The following CDKAL1 variants were observed in gnomAD, a reference collection of about 807,000 sequenced individuals.
The protein encoded by CDKAL1 is CDKAL1 threonylcarbamoyladenosine tRNA methylthiotransferase.
A neutral mutation model predicts 68.2 loss-of-function variants in CDKAL1; 32 were observed. That is an observed-to-expected ratio of 0.47 (90% CI 0.35 to 0.63). CDKAL1 has a LOEUF of 0.63. Ranked by LOEUF, CDKAL1 falls within the 30% of genes least tolerant of loss-of-function variation. The pLI is 0.00. For missense variants in CDKAL1, 606 were observed against 696.7 expected, an observed-to-expected ratio of 0.87 and a Z score of 1.47; for synonymous variants, 234 against 244.3, an observed-to-expected ratio of 0.96 and a Z score of 0.39.
intron 9 of CDKAL1, among the ~76,000 whole-genome samples, chr6:20,900,992 A>G (rs1179454909): frequency 6.6e-6 from 1 of 152,180 alleles, no homozygotes; most frequent in Admixed American, 6.5e-5. Flanking sequence ...GTCGTCTTTC[A>G]TATTCATGAC....
chr6:20,640,393 G>A (rs985941049), intron 4 of CDKAL1, among the ~76,000 whole-genome samples: 2 of 152,204 alleles, frequency 1.3e-5, no homozygotes, highest in Admixed American at 6.5e-5. Flanking sequence ...GATGTGAACC[G>A]TGCTGTCTCT....
intron 12 of CDKAL1, among the ~76,000 whole-genome samples, chr6:21,065,595 T>C (rs4712580): frequency 0.84 from 127,518 of 150,980 alleles, 54,317 homozygotes; most frequent in African/African-American, 0.95. Flanking sequence ...TTTAAGAGAC[T>C]CTTTTCATAG....
At chr6:20,659,656 C>G (rs1200164207) in intron 5 of CDKAL1, among the ~76,000 whole-genome samples, 1 of 152,166 alleles carries the variant, frequency 6.6e-6, no homozygotes, top group Non-Finnish European at 1.5e-5. Context: ...CTGTATATCT[C>G]CTTACAGGCT....
chr6:20,569,651 T>G (rs1459895904), intron 4 of CDKAL1, among the ~76,000 whole-genome samples: 1 of 152,182 alleles, frequency 6.6e-6, no homozygotes, highest in East Asian at 1.9e-4. Flanking sequence ...GAAAAATCCT[T>G]TACCTGAATA....
At chr6:21,056,884 G>T (rs1770865920) in intron 11 of CDKAL1, among the ~76,000 whole-genome samples, 1 of 152,184 alleles carries the variant, frequency 6.6e-6, no homozygotes, top group South Asian at 2.1e-4. Flanking sequence ...ACTTGATCAT[G>T]GTGGGTAAGT....
At chr6:21,093,526 T>C (rs1030396008) in intron 12 of CDKAL1, among the ~76,000 whole-genome samples, 1 of 151,942 alleles carries the variant, frequency 6.6e-6, no homozygotes, top group African/African-American at 2.4e-5. Flanking sequence ...AATAGACAGA[T>C]TGAACCAGAA....
At chr6:20,982,445 T>C (rs1040887647) in intron 10 of CDKAL1, among the ~76,000 whole-genome samples, 9 of 152,162 alleles carry the variant, frequency 5.9e-5, no homozygotes, top group African/African-American at 9.6e-5. Flanking sequence ...CCTAGTTCTT[T>C]AGCCAGGTTA....
At chr6:20,711,559 A>C (rs1280805919) in intron 5 of CDKAL1, among the ~76,000 whole-genome samples, 1 of 152,218 alleles carries the variant, frequency 6.6e-6, no homozygotes, top group Non-Finnish European at 1.5e-5. Context: ...TTACATTAAT[A>C]CATTTTGATG....
intron 14 of CDKAL1, 70 bp downstream of exon 14, chr6:21,198,174 G>A (rs1416265291): frequency 3.0e-6 from 3 of 996,128 alleles, no homozygotes; most frequent in Non-Finnish European, 4.6e-6. Flanking sequence ...TAAGCAAAGG[G>A]CATTTAAAGG....
intron 4 of CDKAL1, among the ~76,000 whole-genome samples, chr6:20,613,765 C>A (rs574307239): frequency 6.6e-5 from 10 of 151,250 alleles, no homozygotes; most frequent in African/African-American, 2.4e-4. Context: ...ACAGTGATAC[C>A]CATGTCTTTG....
chr6:20,948,121 A>G lies in CDKAL1; in HGVS notation c.743-7298A>G, dbSNP rs888147174. 5.4e-5 allele frequency among the ~76,000 whole-genome samples: 8 copies of G among 148,876 alleles called. No individual in the cohort carries two copies. In the East Asian group the frequency reaches 8.0e-4, roughly 15 times the overall value. ...TAACCTCAACTCCTGGGGTCTAGTG[A>G]TCCTCCTGCCTGAGCCTCCCAAATA... On this transcript the variant is annotated intron_variant, in intron 9 of 15. Transcript: ENST00000274695.
chr6:20,609,276 C>CCTCCTTCTCCTCCTT (rs1766484159), intron 4 of CDKAL1, among the ~76,000 whole-genome samples: 2 of 131,664 alleles, frequency 1.5e-5, no homozygotes, highest in African/African-American at 3.1e-5. Flanking sequence ...TCCTCCTTCT[C>CCTCCTTCTCCTCCTT]CTCCTTCTCC....
intron 5 of CDKAL1, among the ~76,000 whole-genome samples, chr6:20,651,067 G>GT (rs1005950883): frequency 2.0e-5 from 3 of 151,392 alleles, no homozygotes; most frequent in African/African-American, 4.8e-5. Flanking sequence ...GAATTTTAAA[G>GT]TTTTTTTTTC....
intron 5 of CDKAL1, among the ~76,000 whole-genome samples, chr6:20,729,318 T>C (rs958760867): frequency 6.6e-6 from 1 of 152,200 alleles, no homozygotes; most frequent in African/African-American, 2.4e-5. Context: ...GGGAACTCTT[T>C]CCTCTTGCTC....
intron 6 of CDKAL1, among the ~76,000 whole-genome samples, chr6:20,754,556 T>G (rs1010460887): frequency 6.6e-6 from 1 of 152,248 alleles, no homozygotes; most frequent in Non-Finnish European, 1.5e-5. Context: ...CTAATGATGT[T>G]GAGCATCTTT....
chr6:20,843,567 C>G (rs145445071), intron 8 of CDKAL1, among the ~76,000 whole-genome samples: 1 of 152,072 alleles, frequency 6.6e-6, no homozygotes, highest in African/African-American at 2.4e-5. Context: ...GCACCTTATA[C>G]GCATAGCTTG....
intron 5 of CDKAL1, among the ~76,000 whole-genome samples, chr6:20,676,623 C>A (rs564190518): frequency 6.6e-6 from 1 of 151,080 alleles, no homozygotes; most frequent in Admixed American, 6.6e-5. Flanking sequence ...CCCAAGATTG[C>A]GCCACTGCAC....
At chr6:20,848,076 C>A (rs527593207) in intron 9 of CDKAL1, among the ~76,000 whole-genome samples, 1 of 152,242 alleles carries the variant, frequency 6.6e-6, no homozygotes, top group African/African-American at 2.4e-5. Context: ...AGTGCAGTTA[C>A]AAAGTTCATA....
In CDKAL1 at chr6:20,591,530, A is replaced by G. The variant is rs191042367; in HGVS notation, c.286+42825A>G. 2.6e-3 allele frequency among the ~76,000 whole-genome samples: 398 copies of G among 152,240 alleles called. 7 individuals are homozygous for G. The highest frequency in any genetic ancestry group is 0.023 in the Admixed American group (346 of 15,294). ...TAATCCATCTTGAGTTAATTTTTCT[A>G]TAAGGTGTAAGGAAGGGGTCCAGTT... On this transcript the variant is annotated intron_variant, in intron 4 of 15. Transcript: ENST00000274695.
Sources: allele counts gnomAD v4.1 joint callset (sites outside exome capture counted in the v4.1 genomes callset), GRCh38; gene constraint gnomAD v4.1.1; transcripts MANE v1.5; gene names NCBI Gene and HGNC (gene_info 2026-07-23, HGNC 2026-07-21).